The following MBD5 variants were observed in gnomAD, a reference collection of about 807,000 sequenced individuals.
MBD5 encodes methyl-CpG binding domain protein 5.
Under a neutral mutation model 117.3 loss-of-function variants are expected in MBD5, and 13 were observed. The observed-to-expected ratio is 0.11, with a 90% CI of 0.07 to 0.18. The LOEUF is 0.18. MBD5 is among the 10% of genes least tolerant of loss of function. The probability of loss-of-function intolerance (pLI) is 1.00; values close to 1 mark genes in which losing one functional copy is unlikely to be tolerated. For synonymous variants in MBD5, 727 were observed against 766.4 expected (o/e 0.95, Z 0.85); for missense variants, 1,879 against 2,093.8 (o/e 0.90, Z 2.00).
chr2:148,511,162 A>G (rs1193110707), intron 13 of MBD5, among the ~76,000 whole-genome samples: 1 of 152,108 alleles, frequency 6.6e-6, no homozygotes, highest in East Asian at 1.9e-4. Flanking sequence ...GCTCCATTAT[A>G]TCCTTTGCAT....
Position 148,322,056 on chromosome 2 carries a change from A to G in MBD5, c.-679-20158A>G, listed in dbSNP as rs181787635. On this transcript the variant is annotated intron_variant, in intron 3 of 13. Transcript: ENST00000642680. ...CACACAATTGTTGTGCATGTACTCT[A>G]CGCTAGACTCCATAATATGACCTCT... Among the ~76,000 whole-genome samples the G allele has an allele frequency of 1.9e-4, 29 of 152,324 alleles. No homozygotes were observed. In the East Asian group the frequency reaches 5.2e-3, roughly 27 times the overall value.
At chr2:148,425,411 A>C (rs942306129) in intron 4 of MBD5, among the ~76,000 whole-genome samples, 4 of 152,206 alleles carry the variant, frequency 2.6e-5, no homozygotes, top group African/African-American at 9.7e-5. Context: ...ACCAACCAAA[A>C]AAAGTCCAGG....
rs1442517526 is a variant in MBD5 at position 148,483,413 on chromosome 2, T to G, written c.2822T>G (p.Ile941Ser). The G allele has an allele frequency of 3.7e-6, 6 of 1,614,010 alleles. No individual in the cohort carries two copies. The highest frequency in any genetic ancestry group is 5.1e-6 in the Non-Finnish European group (6 of 1,179,906). ...QHLLNQNLLN[I>S]LQPSAGEGKS... is the part of the protein sequence containing the mutation. ...CTCCTAAACCAGAATCTATTAAATA[T>G]CCTCCAGCCTTCAGCAGGAGAAGGC... The change falls in exon 9 of 14, where the codon ATC (isoleucine) becomes AGC (serine). Residue 941 changes from isoleucine (I) to serine (S), a missense_variant. Coordinates refer to ENST00000642680, the MANE Select transcript of MBD5 (RefSeq NM_001378120.1).
At chr2:148,147,928 T>C (rs1318814092) in intron 1 of MBD5, among the ~76,000 whole-genome samples, 3 of 152,176 alleles carry the variant, frequency 2.0e-5, no homozygotes, top group Non-Finnish European at 4.4e-5. Flanking sequence ...TTTGTGATCA[T>C]GCACAAGTCA....
intron 4 of MBD5, among the ~76,000 whole-genome samples, chr2:148,380,912 G>C (rs1704122586): frequency 6.6e-6 from 1 of 152,148 alleles, no homozygotes; most frequent in South Asian, 2.1e-4. Context: ...TGAGGGTCCT[G>C]ACTGTTAGAA....
At chr2:148,048,885 G>A (rs1357828014) in intron 1 of MBD5, among the ~76,000 whole-genome samples, 1 of 152,046 alleles carries the variant, frequency 6.6e-6, no homozygotes, top group Non-Finnish European at 1.5e-5. Flanking sequence ...GTGAAAAATT[G>A]CCCTGTCTCA....
chr2:148,385,811 G>C (rs1704338051), intron 4 of MBD5, among the ~76,000 whole-genome samples: 1 of 151,718 alleles, frequency 6.6e-6, no homozygotes, highest in Admixed American at 6.6e-5. Context: ...TCCTTAGTAG[G>C]GACATGGATG....
chr2:148,048,727 A>G (rs991047808), intron 1 of MBD5, among the ~76,000 whole-genome samples: 1 of 152,150 alleles, frequency 6.6e-6, no homozygotes, highest in Non-Finnish European at 1.5e-5. Flanking sequence ...TAAAAGAGAA[A>G]AGAATGGAGT....
At position 148,342,029 on chromosome 2, in the gene MBD5, T is replaced by A. The variant is rs117217825; in HGVS notation, c.-679-185T>A. 4.9e-4 allele frequency among the ~76,000 whole-genome samples: 74 copies of A among 152,188 alleles called. 3 individuals are homozygous for A. The East Asian group carries it at 0.014, about 29-fold the overall frequency. On this transcript the variant is annotated intron_variant, in intron 3 of 13. Coordinates refer to ENST00000642680, the MANE Select transcript of MBD5 (RefSeq NM_001378120.1). ...GAAAATAAAGTATAGAACATTTGCT[T>A]TAATTATTTCTGGTAGTTAATCATA...
chr2:148,481,002 C>T (rs1480311103), intron 8 of MBD5, among the ~76,000 whole-genome samples: 2 of 152,098 alleles, frequency 1.3e-5, no homozygotes, highest in Admixed American at 1.3e-4. Flanking sequence ...ACTATGACTA[C>T]TAATGTCAAT....
At chr2:148,099,767 T>G (rs568432150) in intron 1 of MBD5, among the ~76,000 whole-genome samples, 1 of 152,224 alleles carries the variant, frequency 6.6e-6, no homozygotes, top group Admixed American at 6.5e-5. Context: ...AGTTTATCTT[T>G]GTTCAGTTCT....
intron 2 of MBD5, among the ~76,000 whole-genome samples, chr2:148,215,688 ATT>A (rs66589231): frequency 0.19 from 25,167 of 131,892 alleles, 2,516 homozygotes; most frequent in African/African-American, 0.3. Context: ...TGCCCGGCTA[ATT>A]TTTTTTTTTT....
At chr2:148,259,928 A>G (rs548440956) in intron 3 of MBD5, among the ~76,000 whole-genome samples, 67 of 152,298 alleles carry the variant, frequency 4.4e-4, no homozygotes, top group African/African-American at 1.6e-3. Context: ...ACTAACAACA[A>G]CAACAAAAAA....
intron 2 of MBD5, among the ~76,000 whole-genome samples, chr2:148,229,880 C>T (rs909098841): frequency 6.6e-6 from 1 of 152,126 alleles, no homozygotes; most frequent in Non-Finnish European, 1.5e-5. Flanking sequence ...CCCACCCCAC[C>T]CCCATCTCTG....
rs117172699 is a variant in MBD5, at chr2:148,483,822, T to C, written c.3231T>C (p.Asn1077=). The C allele has an allele frequency of 3.2e-4, 492 of 1,550,562 alleles. 6 individuals are homozygous for C. In the East Asian group the frequency reaches 0.011, roughly 35 times the overall value. ...ACCCCCTGTTCCTCCCAGCTGTCAA[T>C]GGGGCCTCAGGATTAATGACCTTGA... ...TFNPLFLPAV[N]GASGLMTLNP... The change falls in exon 9 of 14, where the codon AAT becomes AAC. Residue 1077 remains asparagine, a synonymous_variant. Coordinates refer to ENST00000642680, the MANE Select transcript of MBD5 (RefSeq NM_001378120.1).
intron 3 of MBD5, among the ~76,000 whole-genome samples, chr2:148,306,512 A>G (rs1336950197): frequency 1.3e-5 from 2 of 152,230 alleles, no homozygotes; most frequent in African/African-American, 4.8e-5. Flanking sequence ...CAATAATAGT[A>G]TCCATATTTT....
intron 1 of MBD5, among the ~76,000 whole-genome samples, chr2:148,164,719 T>C (rs537918345): frequency 6.6e-6 from 1 of 152,328 alleles, no homozygotes; most frequent in Admixed American, 6.5e-5. Context: ...CTTACATTGA[T>C]TGATTAATCA....
Position 148,462,604 on chromosome 2 carries a change from T to G in MBD5, c.136T>G (p.Cys46Gly), listed in dbSNP as rs139186486. The G allele has an allele frequency of 1.2e-6, 2 of 1,611,726 alleles. No individual in the cohort carries two copies. The highest frequency in any genetic ancestry group is 1.7e-6 in the Non-Finnish European group (2 of 1,178,198). The change falls in exon 6 of 14, where the codon TGC becomes GGC. Residue 46 changes from cysteine to glycine, a missense_variant. Cys to Gly is a radical substitution (Grantham distance 159, BLOSUM62 -3). Around this residue, in one of 4 missense-constraint regions of MBD5, gnomAD observed 71 missense variants for 129.2 expected, o/e 0.55. Transcript: ENST00000642680. ...YVSPSGSLLS[C>G]LEQVKTYLLT... is the part of the protein sequence containing the mutation. Reference sequence around the variant, plus strand: ...CAGTCCCAGTGGGTCTTTGTTATCTTGCTTGGAGCAGGTTAAAACATACCT... The same window carrying G: ...CAGTCCCAGTGGGTCTTTGTTATCTGGCTTGGAGCAGGTTAAAACATACCT...
At chr2:148,128,732 T>C (rs965939692) in intron 1 of MBD5, among the ~76,000 whole-genome samples, 10 of 152,226 alleles carry the variant, frequency 6.6e-5, no homozygotes, top group African/African-American at 2.4e-4. Flanking sequence ...TGCATGTGTG[T>C]ATGCATGTAT....
Sources: allele counts gnomAD v4.1 joint callset (sites outside exome capture counted in the v4.1 genomes callset), GRCh38; gene constraint gnomAD v4.1.1; regional missense constraint gnomAD v4.1.1; transcripts MANE v1.5; gene names NCBI Gene and HGNC (gene_info 2026-07-23, HGNC 2026-07-21).